The following SLIT2 variants were observed in gnomAD, a reference collection of about 807,000 sequenced individuals.
The protein encoded by SLIT2 is slit guidance ligand 2, also known as slit homolog 2 protein.
SLIT2 carries 41 observed loss-of-function variants against 185.7 expected under a neutral mutation model. That is an observed-to-expected ratio of 0.22 (90% CI 0.17 to 0.29). The LOEUF (loss-of-function observed/expected upper bound fraction) is 0.29. Among genes scored for constraint, SLIT2 ranks in the 10% least tolerant of loss-of-function variants. The pLI, the probability that SLIT2 is intolerant of heterozygous loss-of-function variation, is 1.00. For missense variants in SLIT2, 1,571 were observed against 1,909.0 expected (o/e 0.82, Z 3.30); for synonymous variants, 693 against 680.2 (o/e 1.02, Z -0.29).
chr4:20,447,157 A>G lies in SLIT2; in HGVS notation c.396-20595A>G, dbSNP rs144515949. On this transcript the variant is annotated intron_variant, in intron 4 of 36. Transcript: ENST00000504154. ...ACATCAACCCTCTTCCTTGTTAGTC[A>G]CACATTATCCATAAGATTCTGACTT... Among the ~76,000 whole-genome samples, 1,460 of 152,302 alleles carry G rather than the reference A, an allele frequency of 9.6e-3. 21 individuals carry two copies. Among genetic ancestry groups the G allele is most frequent in the East Asian group, 0.08 (416 of 5,180 alleles).
At chr4:20,282,313 A>C (rs1560280933) in intron 4 of SLIT2, among the ~76,000 whole-genome samples, 1 of 152,216 alleles carries the variant, frequency 6.6e-6, no homozygotes. Flanking sequence ...GTTGAAGAAC[A>C]CTATTCAAGT....
chr4:20,431,798 TA>T (rs1248506364), intron 4 of SLIT2, among the ~76,000 whole-genome samples: 4 of 152,156 alleles, frequency 2.6e-5, no homozygotes, highest in African/African-American at 9.6e-5. Context: ...CCCTCTTCGT[TA>T]AAATGTCCCT....
chr4:20,542,860 G>A (rs1480136845), intron 21 of SLIT2, among the ~76,000 whole-genome samples: 1 of 22,876 alleles, frequency 4.4e-5, no homozygotes, highest in Non-Finnish European at 6.4e-5. Flanking sequence ...GTGTGTGTGT[G>A]TGCGCTATAA....
chr4:20,376,744 A>G (rs1180542331), intron 4 of SLIT2, among the ~76,000 whole-genome samples: 3 of 152,136 alleles, frequency 2.0e-5, no homozygotes, highest in Admixed American at 1.3e-4. Context: ...GAAGCTGGAA[A>G]CCATCATTCT....
At chr4:20,289,874 G>A (rs1195179220) in intron 4 of SLIT2, among the ~76,000 whole-genome samples, 2 of 152,170 alleles carry the variant, frequency 1.3e-5, no homozygotes, top group African/African-American at 2.4e-5. Context: ...ACCCTCATTC[G>A]TAGTGGGCCT....
chr4:20,311,787 T>A (rs1024748958), intron 4 of SLIT2, among the ~76,000 whole-genome samples: 1 of 152,234 alleles, frequency 6.6e-6, no homozygotes, highest in Non-Finnish European at 1.5e-5. Context: ...ATATACTCTA[T>A]TAAGCCACTA....
intron 4 of SLIT2, among the ~76,000 whole-genome samples, chr4:20,330,343 A>G (rs1335641732): frequency 1.3e-5 from 2 of 152,258 alleles, no homozygotes; most frequent in East Asian, 3.9e-4. Flanking sequence ...GAAATCTTAA[A>G]TGTAACTGTG....
At chr4:20,370,776 C>T (rs1177671542) in intron 4 of SLIT2, among the ~76,000 whole-genome samples, 2 of 152,122 alleles carry the variant, frequency 1.3e-5, no homozygotes, top group Admixed American at 1.3e-4. Flanking sequence ...ACTTTGTGAT[C>T]TGCAACAGCC....
At chr4:20,255,133 A>G (rs1577327107) in intron 1 of SLIT2, 4 of 440,670 alleles carry the variant, frequency 9.1e-6, no homozygotes, top group East Asian at 7.0e-5. Flanking sequence ...GCGCGGGGCT[A>G]GGCCGGCAGG....
chr4:20,340,951 A>G (rs1434273089), intron 4 of SLIT2, among the ~76,000 whole-genome samples: 3 of 152,316 alleles, frequency 2.0e-5, no homozygotes, highest in African/African-American at 7.2e-5. Context: ...GGAAGAAAAA[A>G]GAAAGACGGA....
intron 20 of SLIT2, 45 bp from the exon 21 acceptor site, chr4:20,542,449 C>T: frequency 6.2e-7 from 1 of 1,606,518 alleles, no homozygotes; most frequent in Non-Finnish European, 8.5e-7. Context: ...CTAGCACCTT[C>T]AAGACCACAA....
chr4:20,521,137 G>T (rs189054585), intron 12 of SLIT2, among the ~76,000 whole-genome samples: 3 of 152,286 alleles, frequency 2.0e-5, no homozygotes, highest in Non-Finnish European at 2.9e-5. Context: ...AATACGTGAA[G>T]TGTCACCTTC....
chr4:20,495,840 A>G (rs565192270), intron 9 of SLIT2, among the ~76,000 whole-genome samples: 126 of 152,308 alleles, frequency 8.3e-4, no homozygotes, highest in African/African-American at 2.8e-3. Flanking sequence ...GGCATAACTT[A>G]CTAGCTTAGT....
At chr4:20,408,687 A>T (rs1034971133) in intron 4 of SLIT2, among the ~76,000 whole-genome samples, 1 of 152,118 alleles carries the variant, frequency 6.6e-6, no homozygotes, top group South Asian at 2.1e-4. Context: ...CCCAGCTTCT[A>T]TCGCTCTAAT....
Position 20,529,070 on chromosome 4 carries a change from G to A in SLIT2, c.1584G>A (p.Pro528=), listed in dbSNP as rs74787220. The A allele has an allele frequency of 1.1e-3, 1,763 of 1,613,690 alleles. 24 individuals are homozygous for A. In the East Asian group the frequency reaches 0.031, roughly 28 times the overall value. Residue 528 remains proline (P), a synonymous_variant, in exon 16 of 37, where the codon CCG becomes CCA. Coordinates refer to ENST00000504154, the MANE Select transcript of SLIT2 (RefSeq NM_004787.4). ...CTAATCAAAAGCTCAACAAAATCCC[G>A]GAGCACATTCCCCAGTACACTGCAG... The part of the protein sequence containing the change: ...DCSNQKLNKI[P]EHIPQYTAEL...
At chr4:20,521,810 A>C (rs1720866108) in intron 12 of SLIT2, among the ~76,000 whole-genome samples, 1 of 152,206 alleles carries the variant, frequency 6.6e-6, no homozygotes. Flanking sequence ...CTTTAAAAAA[A>C]AATCAAGTAA....
rs761808596 is a variant in SLIT2 at position 20,510,550 on chromosome 4, A to C, written c.970A>C (p.Lys324Gln). The change falls in exon 10 of 37, where the codon AAA (lysine) becomes CAA (glutamine). Residue 324 changes from lysine (K) to glutamine (Q), a missense_variant. Transcript: ENST00000504154. ...CCCTCCTGGAGCTTTCTCACCATATAAAAAGCTTAGACGAATGTGAGTGAA... is the reference window on the plus strand; with the variant it reads ...CCCTCCTGGAGCTTTCTCACCATATCAAAAGCTTAGACGAATGTGAGTGAA... ...VIPPGAFSPY[K>Q]KLRRIDLSNN... 9 of 1,605,984 alleles carry C rather than the reference A, an allele frequency of 5.6e-6. No homozygotes were observed. In the Admixed American group the frequency reaches 8.3e-5, roughly 15 times the overall value.
chr4:20,421,718 C>A (rs1728185755), intron 4 of SLIT2, among the ~76,000 whole-genome samples: 2 of 152,160 alleles, frequency 1.3e-5, no homozygotes, highest in Admixed American at 1.3e-4. Context: ...TGTGAGCAAG[C>A]TGATAAGTCT....
At position 20,519,448 on chromosome 4, in the gene SLIT2, G is replaced by A. The variant is rs763338070; in HGVS notation, c.1125G>A (p.Gln375=). 1.9e-6 allele frequency: 3 copies of A among 1,556,220 alleles called. No homozygotes were observed. Among genetic ancestry groups the A allele is most frequent in the East Asian group, 2.2e-5 (1 of 44,474 alleles). ...TATTTGAAGGACTGTTTTCCTTACA[G>A]CTCCTGTAAGTATTTGATTGTTTTG... ...KSLFEGLFSL[Q]LLLLNANKIN... Residue 375 remains glutamine (Q), a synonymous_variant, in exon 12 of 37, where the codon CAG becomes CAA. Coordinates refer to ENST00000504154, the MANE Select transcript of SLIT2 (RefSeq NM_004787.4).
Sources: allele counts gnomAD v4.1 joint callset (sites outside exome capture counted in the v4.1 genomes callset), GRCh38; gene constraint gnomAD v4.1.1; transcripts MANE v1.5; gene names NCBI Gene and HGNC (gene_info 2026-07-23, HGNC 2026-07-21).